Variants in ADGRV1 observed in about 807,000 individuals in gnomAD.
ADGRV1 encodes the protein adhesion G protein-coupled receptor V1.
Under a neutral mutation model 596.2 loss-of-function variants are expected in ADGRV1, and 359 were observed. The observed-to-expected ratio is 0.60, with a 90% CI of 0.55 to 0.66. ADGRV1 has a LOEUF of 0.66. Ranked by LOEUF, ADGRV1 falls within the 30% of genes least tolerant of loss-of-function variation. The probability of loss-of-function intolerance (pLI) is 0.00; values close to 1 mark genes in which losing one functional copy is unlikely to be tolerated. For missense variants in ADGRV1, 7,274 were observed against 7,575.6 expected (o/e 0.96, Z 1.48); for synonymous variants, 2,681 against 2,679.2 (o/e 1.00, Z -0.02).
chr5:90,899,505 T>C (rs1223058019), intron 83 of ADGRV1, among the ~76,000 whole-genome samples: 1 of 152,168 alleles, frequency 6.6e-6, no homozygotes. Context: ...AACTTGTTAG[T>C]CTGCCTCTTC....
intron 1 of ADGRV1, among the ~76,000 whole-genome samples, chr5:90,579,257 C>T (rs972029028): frequency 5.3e-5 from 8 of 152,256 alleles, no homozygotes; most frequent in African/African-American, 1.9e-4. Flanking sequence ...CTATAAATTT[C>T]CCTCTACACA....
intron 83 of ADGRV1, among the ~76,000 whole-genome samples, chr5:90,870,960 C>G (rs1768610775): frequency 6.6e-6 from 1 of 152,154 alleles, no homozygotes. Flanking sequence ...TGCTAATGCA[C>G]CTAACTTAAT....
chr5:90,724,307 A>G (rs948771530), intron 45 of ADGRV1, among the ~76,000 whole-genome samples: 3 of 152,006 alleles, frequency 2.0e-5, no homozygotes, highest in Non-Finnish European at 4.4e-5. Flanking sequence ...TCGGCTCACT[A>G]CAACCTCCGC....
intron 83 of ADGRV1, among the ~76,000 whole-genome samples, chr5:90,883,379 C>G (rs1048400113): frequency 6.6e-6 from 1 of 152,156 alleles, no homozygotes; most frequent in Non-Finnish European, 1.5e-5. Flanking sequence ...CTAATTTCTT[C>G]TTTCTTCCTA....
intron 50 of ADGRV1, among the ~76,000 whole-genome samples, chr5:90,743,620 C>G (rs1196950856): frequency 6.6e-6 from 1 of 151,704 alleles, no homozygotes; most frequent in Non-Finnish European, 1.5e-5. Context: ...TACAGGTGCC[C>G]ACCACCATGC....
chr5:90,911,064 G>A (rs1000661129), intron 83 of ADGRV1, among the ~76,000 whole-genome samples: 4 of 152,218 alleles, frequency 2.6e-5, no homozygotes, highest in South Asian at 2.1e-4. Flanking sequence ...AAAAAACAGC[G>A]AGTAATTCGT....
chr5:90,780,766 T>A (rs772232266), intron 64 of ADGRV1, among the ~76,000 whole-genome samples: 6 of 152,090 alleles, frequency 3.9e-5, no homozygotes, highest in Non-Finnish European at 7.3e-5. Context: ...AGTGGCACAA[T>A]CATAGCTCAC....
intron 75 of ADGRV1, among the ~76,000 whole-genome samples, chr5:90,818,650 T>C (rs1763160011): frequency 6.6e-6 from 1 of 150,876 alleles, no homozygotes; most frequent in South Asian, 2.1e-4. Flanking sequence ...GTCAAAGGCT[T>C]TTTCTGCATC....
chr5:90,670,913 A>C (rs1025254995), intron 21 of ADGRV1, among the ~76,000 whole-genome samples: 1 of 152,202 alleles, frequency 6.6e-6, no homozygotes, highest in Non-Finnish European at 1.5e-5. Flanking sequence ...GAAGGCATAA[A>C]GAATGCCAGC....
At chr5:90,847,815 G>A (rs373288340) in intron 78 of ADGRV1, among the ~76,000 whole-genome samples, 2 of 150,638 alleles carry the variant, frequency 1.3e-5, no homozygotes, top group African/African-American at 5.0e-5. Context: ...GCTGGCCCTG[G>A]TTCCCGCCCT....
intron 83 of ADGRV1, among the ~76,000 whole-genome samples, chr5:90,953,817 C>G (rs1777243815): frequency 6.6e-6 from 1 of 151,876 alleles, no homozygotes; most frequent in African/African-American, 2.4e-5. Context: ...GGAAATGGTG[C>G]AAAGAACAGC....
intron 1 of ADGRV1, among the ~76,000 whole-genome samples, chr5:90,585,695 G>A (rs1370790974): frequency 6.6e-6 from 1 of 152,192 alleles, no homozygotes; most frequent in African/African-American, 2.4e-5. Context: ...TGAAATTGAA[G>A]GAGATCTAGA....
chr5:90,647,528 A>G lies in ADGRV1; in HGVS notation c.3053A>G (p.Glu1018Gly), dbSNP rs1430830746. Reference protein sequence around the residue: ...EPRVVRVQEGETANFTVLRNG... With the variant: ...EPRVVRVQEGGTANFTVLRNG... ...CGTGTAGTGAGGGTTCAGGAAGGTG[A>G]GACTGCCAACTTTACAGTTCTCAGA... Residue 1018 changes from glutamate (E) to glycine (G), a missense_variant, in exon 17 of 90, where the codon GAG becomes GGG. Around this residue, in one of 5 missense-constraint regions of ADGRV1, gnomAD observed 1,715 missense variants for 1,708.8 expected, o/e 1.00. Coordinates refer to ENST00000405460, the MANE Select transcript of ADGRV1 (RefSeq NM_032119.4). The G allele has an allele frequency of 1.2e-6, 2 of 1,613,514 alleles. No homozygotes were observed. Among genetic ancestry groups the G allele is most frequent in the Middle Eastern group, 1.7e-4 (1 of 6,060 alleles).
chr5:90,988,727 G>A (rs1003488259), intron 85 of ADGRV1, among the ~76,000 whole-genome samples: 1 of 151,600 alleles, frequency 6.6e-6, no homozygotes, highest in African/African-American at 2.4e-5. Context: ...TGCCATGTTG[G>A]CGTGCTGCAC....
At chr5:91,011,641 A>G (rs766032093) in intron 85 of ADGRV1, among the ~76,000 whole-genome samples, 1 of 151,904 alleles carries the variant, frequency 6.6e-6, no homozygotes, top group Non-Finnish European at 1.5e-5. Flanking sequence ...GTGAATTTAA[A>G]TTTCTGTGTT....
intron 86 of ADGRV1, among the ~76,000 whole-genome samples, chr5:91,079,973 A>T (rs1382074565): frequency 3.9e-5 from 6 of 152,170 alleles, no homozygotes; most frequent in Admixed American, 3.9e-4. Context: ...TATTGTCATC[A>T]TCACTGCCAC....
chr5:90,815,160 G>A (rs1224702160), intron 74 of ADGRV1, among the ~76,000 whole-genome samples: 1 of 152,078 alleles, frequency 6.6e-6, no homozygotes, highest in African/African-American at 2.4e-5. Context: ...AGGTAAATCC[G>A]TTGAACAGAG....
chr5:90,646,524 TA>T (rs1263234514), intron 16 of ADGRV1, among the ~76,000 whole-genome samples: 1 of 152,054 alleles, frequency 6.6e-6, no homozygotes, highest in African/African-American at 2.4e-5. Flanking sequence ...TGGATGGCCA[TA>T]CACTATAATA....
intron 22 of ADGRV1, 67 bp downstream of exon 22, chr5:90,672,789 T>A: frequency 8.3e-7 from 1 of 1,210,438 alleles, no homozygotes; most frequent in Non-Finnish European, 1.2e-6. Context: ...GTTTGTTCTG[T>A]AATTTCTTTG....
Sources: gnomAD v4.1 joint callset for allele counts (sites outside exome capture counted in the v4.1 genomes callset) on GRCh38, gnomAD v4.1.1 for gene constraint, gnomAD v4.1.1 regional missense constraint, MANE v1.5 for transcripts, NCBI Gene and HGNC (gene_info 2026-07-23, HGNC 2026-07-21) for gene names.